The following CPT1A variants were observed in gnomAD, a reference collection of about 807,000 sequenced individuals.
CPT1A encodes the protein carnitine O-palmitoyltransferase 1, liver isoform.
CPT1A carries 64 observed loss-of-function variants against 100.8 expected under a neutral mutation model. That is an observed-to-expected ratio of 0.63 (90% CI 0.52 to 0.78). The LOEUF (loss-of-function observed/expected upper bound fraction) is 0.78. Ranked by LOEUF, CPT1A falls within the 30% of genes least tolerant of loss-of-function variation. The pLI is 0.00. For missense variants in CPT1A, 802 were observed against 1,034.1 expected (o/e 0.78, Z 3.08); for synonymous variants, 363 against 396.0 (o/e 0.92, Z 0.99).
intron 14 of CPT1A, among the ~76,000 whole-genome samples, chr11:68,769,032 G>A (rs540379549): frequency 7.7e-4 from 117 of 152,224 alleles, no homozygotes; most frequent in African/African-American, 2.7e-3. Flanking sequence ...CTCATTGACC[G>A]TATTTTTCCT....
intron 1 of CPT1A, among the ~76,000 whole-genome samples, chr11:68,817,169 G>GGT (rs1357316619): frequency 5.6e-5 from 8 of 142,310 alleles, no homozygotes; most frequent in Admixed American, 2.8e-4. Context: ...GTGTGTGTGT[G>GGT]GTGTGTGTGT....
chr11:68,816,461 C>T (rs1036583930), intron 1 of CPT1A, among the ~76,000 whole-genome samples: 8 of 152,182 alleles, frequency 5.3e-5, no homozygotes, highest in African/African-American at 1.9e-4. Context: ...CAAGCACAGC[C>T]CCTGGGGAGA....
intron 4 of CPT1A, among the ~76,000 whole-genome samples, chr11:68,805,050 T>G (rs1237711359): frequency 6.6e-6 from 1 of 152,212 alleles, no homozygotes; most frequent in Non-Finnish European, 1.5e-5. Context: ...TTTAGCCTGC[T>G]TTGCCAAGTG....
intron 3 of CPT1A, among the ~76,000 whole-genome samples, chr11:68,809,147 C>T (rs1259385345): frequency 6.6e-6 from 1 of 152,110 alleles, no homozygotes; most frequent in Admixed American, 6.5e-5. Flanking sequence ...CCCGTGAAAT[C>T]TAGCACTGGA....
In CPT1A at chr11:68,775,221, T is replaced by C. The variant is rs182463550; in HGVS notation, c.1575+95A>G. 652 of 1,039,662 alleles carry C rather than the reference T, an allele frequency of 6.3e-4. 4 individuals carry two copies. In the Admixed American group the frequency reaches 7.9e-3, roughly 13 times the overall value. The allele number at this position is 1,039,662 out of a possible 1,614,324, so 64.4% of individuals were successfully genotyped here. On this transcript the variant is annotated intron_variant, in intron 13 of 18. Coordinates refer to ENST00000265641, the MANE Select transcript of CPT1A (RefSeq NM_001876.4). ...CAGTGGTCTTCAACTGAGCTCATGA[T>C]AGGGCAGGAACTACGGTTGGAAAAT...
At chr11:68,823,786 T>C (rs768996509) in intron 1 of CPT1A, among the ~76,000 whole-genome samples, 1 of 147,640 alleles carries the variant, frequency 6.8e-6, no homozygotes, top group African/African-American at 2.5e-5. Context: ...CAAAACTCTG[T>C]CTCAAAAGAA....
chr11:68,782,005 G>A (rs372116466), intron 10 of CPT1A, 46 bp from the exon 11 acceptor site: 21 of 1,512,936 alleles, frequency 1.4e-5, no homozygotes, highest in East Asian at 2.3e-5. Context: ...GACCTGCAGC[G>A]ATGGAGCGTG....
At chr11:68,818,922 C>T (rs2924698) in intron 1 of CPT1A, among the ~76,000 whole-genome samples, 133,974 of 152,128 alleles carry the variant, frequency 0.88, 60,471 homozygotes, top group Non-Finnish European at 0.98. Flanking sequence ...CCAACTCCCA[C>T]GGCCTGGCCA....
At chr11:68,812,357 C>CATCA in intron 3 of CPT1A, 80 bp downstream of exon 3, 1 of 1,549,412 alleles carries the variant, frequency 6.5e-7, no homozygotes, top group Non-Finnish European at 8.9e-7. Context: ...CAGTGACAAT[C>CATCA]ATCACATTTG....
chr11:68,808,329 A>G (rs1312136302), intron 3 of CPT1A, among the ~76,000 whole-genome samples: 1 of 151,822 alleles, frequency 6.6e-6, no homozygotes, highest in African/African-American at 2.4e-5. Context: ...AAGGTAGTAT[A>G]TATTATGGTA....
Position 68,784,923 on chromosome 11 carries a change from C to A in CPT1A, c.1055G>T (p.Arg352Leu). 6.2e-7 allele frequency: 1 copy of A among 1,614,062 alleles called. No individual in the cohort carries two copies. Among genetic ancestry groups the A allele is most frequent in the Non-Finnish European group, 8.5e-7 (1 of 1,180,010 alleles). The change falls in exon 10 of 19, where the codon CGG becomes CTG. Residue 352 changes from arginine to leucine, a missense_variant. Arg to Leu is a moderately radical substitution (Grantham distance 102). Around this residue, in one of 4 missense-constraint regions of CPT1A, gnomAD observed 627 missense variants for 799.3 expected, o/e 0.78. Coordinates refer to ENST00000265641, the MANE Select transcript of CPT1A (RefSeq NM_001876.4). ...YFKVWLYHDGRLLKPREMEQQ... is the reference protein window; with the variant it reads ...YFKVWLYHDGLLLKPREMEQQ... ...CTCCATCTCCCGGGGCTTCAGCAGCCGCCCATCATGGTAGAGCCAGACCTT... is the reference window on the plus strand; with the variant it reads ...CTCCATCTCCCGGGGCTTCAGCAGCAGCCCATCATGGTAGAGCCAGACCTT...
chr11:68,839,469 G>T, intron 1 of CPT1A: 1 of 975,294 alleles, frequency 1.0e-6, no homozygotes, highest in Non-Finnish European at 1.2e-6. Context: ...TGTTCCACCC[G>T]CCGTGCCCAC....
intron 1 of CPT1A, among the ~76,000 whole-genome samples, chr11:68,826,414 C>T (rs1259407764): frequency 6.9e-6 from 1 of 145,890 alleles, no homozygotes; most frequent in East Asian, 2.1e-4. Context: ...CCACTGCACT[C>T]CTAGGTGAGA....
chr11:68,761,512 CG>C (rs748821855), intron 16 of CPT1A, 22 bp downstream of exon 16: 26 of 1,612,262 alleles, frequency 1.6e-5, no homozygotes, highest in Non-Finnish European at 2.2e-5. Context: ...ATACAACTGA[CG>C]GAAGAAGTGG....
At chr11:68,837,326 G>A (rs1159019687) in intron 1 of CPT1A, among the ~76,000 whole-genome samples, 5 of 152,202 alleles carry the variant, frequency 3.3e-5, no homozygotes, top group African/African-American at 7.2e-5. Context: ...GGGATTACAG[G>A]CGTGAGCCAC....
chr11:68,839,787 C>T (rs1383466882), intron 1 of CPT1A: 2 of 887,784 alleles, frequency 2.3e-6, no homozygotes, highest in Admixed American at 1.2e-4. Flanking sequence ...TCCAGGGCTC[C>T]CCGGAGGCCC....
At chr11:68,764,942 T>C (rs1413458489) in intron 14 of CPT1A, among the ~76,000 whole-genome samples, 5 of 152,024 alleles carry the variant, frequency 3.3e-5, no homozygotes, top group Non-Finnish European at 5.9e-5. Context: ...CTTGGGGAGC[T>C]CTCTTCCCCA....
upstream of CPT1A, among the ~76,000 whole-genome samples, chr11:68,842,365 T>TA (rs1857179825): frequency 1.3e-5 from 2 of 151,736 alleles, no homozygotes; most frequent in Admixed American, 1.3e-4. Context: ...TAATCCCAGC[T>TA]ACTCGGGAGG....
chr11:68,765,117 A>G (rs1178356404), intron 14 of CPT1A, among the ~76,000 whole-genome samples: 1 of 152,230 alleles, frequency 6.6e-6, no homozygotes, highest in African/African-American at 2.4e-5. Context: ...CTCACTACAG[A>G]GCACTTCATA....
Sources: gnomAD v4.1 joint callset for allele counts (sites outside exome capture counted in the v4.1 genomes callset) on GRCh38, gnomAD v4.1.1 for gene constraint, gnomAD v4.1.1 regional missense constraint, MANE v1.5 for transcripts, NCBI Gene and HGNC (gene_info 2026-07-23, HGNC 2026-07-21) for gene names.